COL2A1: variants seen among roughly 807,000 people sequenced by gnomAD.
COL2A1 encodes collagen type II alpha 1 chain, also known as collagen alpha-1(II) chain.
A neutral mutation model predicts 204.5 loss-of-function variants in COL2A1; 28 were observed. The observed-to-expected ratio is 0.14, with a 90% confidence interval of 0.10 to 0.19. The LOEUF (loss-of-function observed/expected upper bound fraction) is 0.19. Among genes scored for constraint, COL2A1 ranks in the 10% least tolerant of loss-of-function variants. COL2A1 has a pLI of 1.00. For synonymous variants in COL2A1, 708 were observed against 718.7 expected (o/e 0.99, Z 0.24); for missense variants, 1,388 against 2,027.5 (o/e 0.68, Z 6.06).
intron 14 of COL2A1, 82 bp downstream of exon 14, chr12:47,993,727 T>A: frequency 2.7e-6 from 4 of 1,499,390 alleles, no homozygotes; most frequent in Non-Finnish European, 3.7e-6. Flanking sequence ...TCCACTGAGC[T>A]CCACAGTGTC....
chr12:47,986,554 G>T (rs896085824), intron 22 of COL2A1, 111 bp from the exon 23 acceptor site: 6 of 766,592 alleles, frequency 7.8e-6, no homozygotes, highest in East Asian at 5.3e-5. Flanking sequence ...GGGCTGGGGG[G>T]GGGCTTGAGG....
At chr12:47,982,309 G>A in intron 34 of COL2A1, 149 bp from the exon 35 acceptor site, 1 of 826,828 alleles carries the variant, frequency 1.2e-6, no homozygotes, top group Non-Finnish European at 2.1e-6. Context: ...GGAGCAGCAG[G>A]GGTGAGATGA....
rs1213266370 is a variant in COL2A1 at position 47,980,437 on chromosome 12, C to G, written c.2625+117G>C. On this transcript the variant is annotated intron_variant, in intron 39 of 53. Transcript: ENST00000380518. The surrounding 1 kb of genome is among the most constrained non-coding windows in gnomAD (Gnocchi z 4.5). ...GCCACATGGAAGCTCCTTCTACCAA[C>G]ATGGGGGTGTTCCCAGGCCTGCGAA... 1 of 936,052 alleles carries G rather than the reference C, an allele frequency of 1.1e-6. No individual in the cohort carries two copies. The highest frequency in any genetic ancestry group is 2.0e-5 in the Admixed American group (1 of 50,274). The allele number at this position is 936,052 out of a possible 1,614,324, so 58.0% of individuals were successfully genotyped here.
At position 47,976,805 on chromosome 12, in the gene COL2A1, C is replaced by T. The variant is rs780209802; in HGVS notation, c.3435+7G>A. The stretch of plus-strand genomic sequence containing the variant: ...TCGGGAAGTCCCACGCAGGCAGTGA[C>T]ACTCACAGGAGGGCCGGGCAGACCC... On this transcript the variant is annotated splice_region_variant and intron_variant, in intron 48 of 53. Transcript: ENST00000380518. The surrounding 1 kb of genome is among the most constrained non-coding windows in gnomAD (Gnocchi z 4.3). 1 of 1,610,678 alleles carries T rather than the reference C, an allele frequency of 6.2e-7. No individual in the cohort carries two copies. Among genetic ancestry groups the T allele is most frequent in the Non-Finnish European group, 8.5e-7 (1 of 1,178,172 alleles).
Position 47,986,036 on chromosome 12 carries a change from T to C in COL2A1, c.1528-71A>G, listed in dbSNP as rs1477268650. ...ACCCAGCCAGGCTCCAGTGGGTCCA[T>C]CCCACTAACCCACCAACCCCAATTT... On this transcript the variant is annotated intron_variant, in intron 23 of 53. Transcript: ENST00000380518. The C allele has an allele frequency of 1.9e-5, 27 of 1,418,648 alleles. No homozygotes were observed. In the East Asian group the frequency reaches 6.5e-4, roughly 34 times the overall value. 87.9% of individuals were successfully genotyped at this position (1,418,648 alleles called of 1,614,324 possible).
At chr12:47,977,547 C>T (rs1938791251) in intron 45 of COL2A1, 53 bp downstream of exon 45, 4 of 1,610,516 alleles carry the variant, frequency 2.5e-6, no homozygotes, top group Middle Eastern at 1.6e-4. Flanking sequence ...ACCTGTCAGG[C>T]CCGAGGCAAT....
In COL2A1 at chr12:47,998,439, G is replaced by C. The variant is rs780898714; in HGVS notation, c.293-8C>G. ...CCTTTGGTCCTGGTTGCCCTGCAAG[G>C]GAAAAAATATAGAGAAGAAGAAGGT... On this transcript the variant is annotated splice_region_variant and splice_polypyrimidine_tract_variant and intron_variant, in intron 2 of 53. Coordinates refer to ENST00000380518, the MANE Select transcript of COL2A1 (RefSeq NM_001844.5). The C allele has an allele frequency of 2.5e-6, 4 of 1,610,706 alleles. No homozygotes were observed. In the South Asian group the frequency reaches 4.4e-5, roughly 18 times the overall value.
chr12:47,973,440 G>A lies in COL2A1; in HGVS notation c.4431C>T (p.Phe1477=), dbSNP rs746611653. ...PMDIGGPEQE[F]GVDIGPVCFL Reference sequence around the variant, plus strand: ...AGCAGACCGGCCCTATGTCCACACCGAATTCCTGCTCGGGCCCTCCTATGT... The same window carrying A: ...AGCAGACCGGCCCTATGTCCACACCAAATTCCTGCTCGGGCCCTCCTATGT... The change falls in exon 54 of 54, where the codon TTC becomes TTT. Residue 1477 remains phenylalanine, a synonymous_variant. Coordinates refer to ENST00000380518, the MANE Select transcript of COL2A1 (RefSeq NM_001844.5). 52 of 1,613,966 alleles carry A rather than the reference G, an allele frequency of 3.2e-5. No homozygotes were observed. The highest frequency in any genetic ancestry group is 6.6e-5 in the South Asian group (6 of 91,078).
At position 47,999,998 on chromosome 12, in the gene COL2A1, G is replaced by A. The variant is rs112469769; in HGVS notation, c.213C>T (p.Asp71=). The change falls in exon 2 of 54, where the codon GAC becomes GAT. Residue 71 remains aspartate (D), a synonymous_variant. Coordinates refer to ENST00000380518, the MANE Select transcript of COL2A1 (RefSeq NM_001844.5). ...TVLCDDIICE[D]VKDCLSPEIP... ...TCTCAGGGCTGAGGCAGTCTTTCAC[G>A]TCTTCACAGATTATGTCGTCGCAGA... The A allele has an allele frequency of 8.1e-3, 13,024 of 1,614,150 alleles. 85 individuals are homozygous for A. The highest frequency in any genetic ancestry group is 9.5e-3 in the Non-Finnish European group (11,152 of 1,180,000).
At position 47,999,997 on chromosome 12, in the gene COL2A1, C is replaced by T. The variant is rs755705390; in HGVS notation, c.214G>A (p.Val72Met). 11 of 1,614,100 alleles carry T rather than the reference C, an allele frequency of 6.8e-6. No homozygotes were observed. The South Asian group carries it at 7.7e-5, about 11-fold the overall frequency. The change falls in exon 2 of 54, where the codon GTG becomes ATG. Residue 72 changes from valine to methionine, a missense_variant. Coordinates refer to ENST00000380518, the MANE Select transcript of COL2A1 (RefSeq NM_001844.5). The part of the protein sequence containing the change: ...VLCDDIICED[V>M]KDCLSPEIPF... ...ATCTCAGGGCTGAGGCAGTCTTTCA[C>T]GTCTTCACAGATTATGTCGTCGCAG...
At chr12:47,974,986 T>C in intron 51 of COL2A1, 124 bp from the exon 52 acceptor site, 1 of 1,045,574 alleles carries the variant, frequency 9.6e-7, no homozygotes, top group Non-Finnish European at 1.4e-6. Flanking sequence ...GGTTCACATG[T>C]GGCCTGAAAG....
intron 37 of COL2A1, 102 bp from the exon 38 acceptor site, chr12:47,981,070 C>A: frequency 8.1e-7 from 1 of 1,231,680 alleles, no homozygotes; most frequent in Non-Finnish European, 1.1e-6. Flanking sequence ...TCCTGTTCCC[C>A]AGAGACGGGG....
rs754118952 is a variant in COL2A1, at chr12:47,997,940, A to G, written c.376-16T>C. 3.7e-6 allele frequency: 6 copies of G among 1,614,152 alleles called. No individual in the cohort carries two copies. In the South Asian group the frequency reaches 5.5e-5, roughly 15 times the overall value. On this transcript the variant is annotated splice_polypyrimidine_tract_variant and intron_variant, in intron 5 of 53. Transcript: ENST00000380518. Reference sequence around the variant, plus strand: ...CTGCAGGTCCCTGAAGGTGAAGAACATGGTAAGATGACAGCAAGGCCAGGA... The same window carrying G: ...CTGCAGGTCCCTGAAGGTGAAGAACGTGGTAAGATGACAGCAAGGCCAGGA...
In COL2A1 at chr12:47,994,414, T is replaced by C. The variant is rs1311053201; in HGVS notation, c.816+10A>G. On this transcript the variant is annotated intron_variant, in intron 12 of 53. Transcript: ENST00000380518. ...GAAAGATGCCTGAGGCTGGGAACGG[T>C]GGCGTTTACCTGAGGACCAGGCGGA... 1.2e-6 allele frequency: 2 copies of C among 1,614,046 alleles called. No individual in the cohort carries two copies. Among genetic ancestry groups the C allele is most frequent in the African/African-American group, 1.3e-5 (1 of 75,026 alleles).
In COL2A1 at chr12:47,998,068, T is replaced by C. The variant is rs768371799; in HGVS notation, c.343-4A>G. ...GAGGTCCTTTGGGTCCTACAATCTG[T>C]GAGAGAGAGCCCCACAGGATGGTAA... On this transcript the variant is annotated splice_region_variant and splice_polypyrimidine_tract_variant and intron_variant, in intron 4 of 53. Coordinates refer to ENST00000380518, the MANE Select transcript of COL2A1 (RefSeq NM_001844.5). 17 of 1,614,034 alleles carry C rather than the reference T, an allele frequency of 1.1e-5. No homozygotes were observed. Among genetic ancestry groups the C allele is most frequent in the Non-Finnish European group, 1.4e-5 (16 of 1,180,034 alleles).
At chr12:47,984,217 T>C (rs908946800) in intron 28 of COL2A1, 77 bp from the exon 29 acceptor site, 4 of 1,385,964 alleles carry the variant, frequency 2.9e-6, no homozygotes, top group Middle Eastern at 3.5e-4. Context: ...TGGGCAAAGG[T>C]ACTTCTGGCC....
At position 47,980,503 on chromosome 12, in the gene COL2A1, G is replaced by T. The variant is rs560941352; in HGVS notation, c.2625+51C>A. 4 of 1,498,416 alleles carry T rather than the reference G, an allele frequency of 2.7e-6. No individual in the cohort carries two copies. Among genetic ancestry groups the T allele is most frequent in the Middle Eastern group, 1.7e-4 (1 of 5,912 alleles). 92.8% of individuals were successfully genotyped at this position (1,498,416 alleles called of 1,614,324 possible). A position where few individuals can be genotyped will look rare whatever the true frequency, so the allele number is the denominator to read the frequency against. On this transcript the variant is annotated intron_variant, in intron 39 of 53. Transcript: ENST00000380518. This position sits in a 1 kb window ranked among gnomAD's most constrained non-coding sequence, Gnocchi z 4.5. The stretch of plus-strand genomic sequence containing the variant: ...CCTGCTGGGGCCTTCCCATCTGCAC[G>T]CCAGGAGCCCTTCCTTGAGGGAACA...
chr12:47,978,182 C>A lies in COL2A1; in HGVS notation c.3004-65G>T. The A allele has an allele frequency of 6.3e-7, 1 of 1,582,036 alleles. No homozygotes were observed. The highest frequency in any genetic ancestry group is 2.3e-5 in the East Asian group (1 of 43,876). On this transcript the variant is annotated intron_variant, in intron 43 of 53. Transcript: ENST00000380518. This position sits in a 1 kb window ranked among gnomAD's most constrained non-coding sequence, Gnocchi z 5.5. ...AGCACCCCTGCCCAGGGCCCACTGA[C>A]CCTTCAGGGAGAGGGCAGACAAGGG...
At chr12:47,977,200 TGGG>T (rs1938760897) in intron 46 of COL2A1, 45 bp from the exon 47 acceptor site, 1 of 1,607,672 alleles carries the variant, frequency 6.2e-7, no homozygotes, top group Non-Finnish European at 8.5e-7. Context: ...CCAGGACAGG[TGGG>T]GGCCTCCTCT....
Sources: allele counts gnomAD v4.1 joint callset, GRCh38; gene constraint gnomAD v4.1.1; non-coding constraint Gnocchi (gnomAD v3.1); transcripts MANE v1.5; gene names NCBI Gene and HGNC (gene_info 2026-07-23, HGNC 2026-07-21).